GFOD1: variants seen among roughly 807,000 people sequenced by gnomAD.
The protein encoded by GFOD1 is Gfo/Idh/MocA-like oxidoreductase domain containing 1, also known as glucose-fructose oxidoreductase domain-containing protein 1.
A neutral mutation model predicts 25.4 loss-of-function variants in GFOD1; 9 were observed. The observed-to-expected ratio is 0.35, with a 90% confidence interval of 0.21 to 0.62. GFOD1 has a LOEUF of 0.62. Among genes scored for constraint, GFOD1 ranks in the 20% least tolerant of loss-of-function variants. GFOD1 has a pLI of 0.72. For missense variants in GFOD1, 403 were observed against 556.9 expected, an observed-to-expected ratio of 0.72 and a Z score of 2.78; for synonymous variants, 253 against 245.6, an observed-to-expected ratio of 1.03 and a Z score of -0.28.
In GFOD1 at chr6:13,365,595, G is replaced by T; in HGVS notation, c.321C>A (p.Ala107=). The T allele has an allele frequency of 6.2e-7, 1 of 1,606,580 alleles. No homozygotes were observed. Among genetic ancestry groups the T allele is most frequent in the South Asian group, 1.1e-5 (1 of 91,084 alleles). The part of the protein sequence containing the change: ...TPLDAFRMTS[A]AHYYPKLMSI... Reference sequence around the variant, plus strand: ...TCATGAGCTTGGGGTAGTAGTGGGCGGCCGAGGTCATGCGGAAAGCGTCCA... The same window carrying T: ...TCATGAGCTTGGGGTAGTAGTGGGCTGCCGAGGTCATGCGGAAAGCGTCCA... The change falls in exon 2 of 2, where the codon GCC becomes GCA. Residue 107 remains alanine, a synonymous_variant. Coordinates refer to ENST00000379287, the MANE Select transcript of GFOD1 (RefSeq NM_018988.4). This position sits in a 1 kb window ranked among gnomAD's most constrained non-coding sequence, Gnocchi z 9.2.
chr6:13,479,692 C>T (rs1227348499), intron 1 of GFOD1, among the ~76,000 whole-genome samples: 1 of 152,224 alleles, frequency 6.6e-6, no homozygotes, highest in Non-Finnish European at 1.5e-5. Context: ...ATTATCAAAG[C>T]CAGATATCCT....
At chr6:13,414,980 G>A (rs540255172) in intron 1 of GFOD1, among the ~76,000 whole-genome samples, 2 of 152,312 alleles carry the variant, frequency 1.3e-5, no homozygotes, top group Admixed American at 6.5e-5. Context: ...CCAGGGAACA[G>A]CAACTGTAGT....
chr6:13,435,784 A>T (rs1170916922), intron 1 of GFOD1, among the ~76,000 whole-genome samples: 3 of 152,202 alleles, frequency 2.0e-5, no homozygotes, highest in Admixed American at 2.0e-4. Context: ...GCTGTTCTTG[A>T]CTAATAAATT....
chr6:13,461,647 G>C (rs1332444835), intron 1 of GFOD1, among the ~76,000 whole-genome samples: 1 of 152,172 alleles, frequency 6.6e-6, no homozygotes, highest in Non-Finnish European at 1.5e-5. Flanking sequence ...TGTGAGTGGT[G>C]TGCTGGTGTT....
At chr6:13,427,148 T>C (rs1296543777) in intron 1 of GFOD1, among the ~76,000 whole-genome samples, 3 of 152,190 alleles carry the variant, frequency 2.0e-5, no homozygotes, top group Admixed American at 6.5e-5. Context: ...TTTGATATAA[T>C]CATCTTGAAA....
chr6:13,371,357 G>GA (rs1352578893), intron 1 of GFOD1, among the ~76,000 whole-genome samples: 16 of 152,196 alleles, frequency 1.1e-4, no homozygotes, highest in African/African-American at 3.9e-4. Context: ...CAACTTCCCT[G>GA]AAAAGACAAG....
intron 1 of GFOD1, among the ~76,000 whole-genome samples, chr6:13,401,408 GA>G (rs1554201414): frequency 1.1e-5 from 1 of 92,316 alleles, no homozygotes; most frequent in East Asian, 3.0e-4. Context: ...GAAGGGAAGG[GA>G]AAGGGAAAAA....
intron 1 of GFOD1, among the ~76,000 whole-genome samples, chr6:13,438,605 T>C (rs1246777742): frequency 6.6e-6 from 1 of 152,158 alleles, no homozygotes; most frequent in Non-Finnish European, 1.5e-5. Flanking sequence ...GCTGAGCACT[T>C]ATAATGGACC....
Position 13,361,604 on chromosome 6 carries a change from C to T in GFOD1, c.*3139G>A, listed in dbSNP as rs1167292269. On this transcript the variant is annotated 3_prime_UTR_variant, in exon 2 of 2. Transcript: ENST00000379287. ...CACTGTTGAAGGCTAGAGATTTCAGCTTCATATAGCTACCCCAAATCAAGT... is the reference window on the plus strand; with the variant it reads ...CACTGTTGAAGGCTAGAGATTTCAGTTTCATATAGCTACCCCAAATCAAGT... 3 of 152,174 alleles carry T rather than the reference C, an allele frequency of 2.0e-5. No homozygotes were observed. Among genetic ancestry groups the T allele is most frequent in the Non-Finnish European group, 2.9e-5 (2 of 68,050 alleles). 9.4% of individuals were successfully genotyped at this position (152,174 alleles called of 1,614,324 possible). A position where few individuals can be genotyped will look rare whatever the true frequency, so the allele number is the denominator to read the frequency against.
At chr6:13,406,322 G>C (rs1785946134) in intron 1 of GFOD1, among the ~76,000 whole-genome samples, 1 of 152,156 alleles carries the variant, frequency 6.6e-6, no homozygotes, top group Admixed American at 6.5e-5. Context: ...TTTGCTGTTT[G>C]TTTACCACAT....
chr6:13,426,242 A>G (rs993295711), intron 1 of GFOD1, among the ~76,000 whole-genome samples: 57 of 152,374 alleles, frequency 3.7e-4, no homozygotes, highest in African/African-American at 1.4e-3. Context: ...TTCTGGGCCA[A>G]GAAGGCCACA....
At chr6:13,423,992 G>C (rs575006207) in intron 1 of GFOD1, among the ~76,000 whole-genome samples, 1 of 152,222 alleles carries the variant, frequency 6.6e-6, no homozygotes, top group East Asian at 1.9e-4. Flanking sequence ...CTGAGTAGCT[G>C]GGATTACAGG....
chr6:13,365,361 G>A lies in GFOD1; in HGVS notation c.555C>T (p.Thr185=), dbSNP rs775707679. ...SVGTYIIDLL[T]FLTGQKAVKV... ...TGACGGCCTTTTGGCCGGTGAGGAA[G>A]GTGAGCAGGTCGATGATGTAGGTGC... The change falls in exon 2 of 2, where the codon ACC becomes ACT. Residue 185 remains threonine (T), a synonymous_variant. Coordinates refer to ENST00000379287, the MANE Select transcript of GFOD1 (RefSeq NM_018988.4). This position sits in a 1 kb window ranked among gnomAD's most constrained non-coding sequence, Gnocchi z 9.2. The A allele has an allele frequency of 1.2e-6, 2 of 1,614,210 alleles. No individual in the cohort carries two copies. Among genetic ancestry groups the A allele is most frequent in the Middle Eastern group, 1.6e-4 (1 of 6,062 alleles).
chr6:13,391,511 C>CAAAAAAAAAAAAAAAAAAAAAAAAAAA (rs57340590), intron 1 of GFOD1, among the ~76,000 whole-genome samples: 1 of 108,682 alleles, frequency 9.2e-6, no homozygotes, highest in Non-Finnish European at 1.8e-5. Context: ...AACAAACAAA[C>CAAAAAAAAAAAAAAAAAAAAAAAAAAA]AAAAAAAAAA....
intron 1 of GFOD1, among the ~76,000 whole-genome samples, chr6:13,465,832 G>A (rs1205163178): frequency 6.6e-6 from 1 of 152,164 alleles, no homozygotes; most frequent in African/African-American, 2.4e-5. Flanking sequence ...AAGGAAAGAG[G>A]AAAAAGATCC....
intron 1 of GFOD1, among the ~76,000 whole-genome samples, chr6:13,423,341 G>A (rs1339673050): frequency 1.3e-5 from 2 of 152,094 alleles, no homozygotes; most frequent in African/African-American, 2.4e-5. Flanking sequence ...CCCATCTTAG[G>A]TCAAGGAGCA....
chr6:13,392,865 G>C (rs1444109517), intron 1 of GFOD1, among the ~76,000 whole-genome samples: 3 of 151,922 alleles, frequency 2.0e-5, no homozygotes, highest in Admixed American at 2.0e-4. Flanking sequence ...AAGCCAGCCT[G>C]GGCAACATAG....
intron 1 of GFOD1, among the ~76,000 whole-genome samples, chr6:13,426,691 G>T: frequency 6.6e-6 from 1 of 152,214 alleles, no homozygotes; most frequent in East Asian, 1.9e-4. Flanking sequence ...CGGAAGCAGA[G>T]TGACCAGGCC....
chr6:13,486,529 A>T, intron 1 of GFOD1, 109 bp downstream of exon 1: 1 of 887,128 alleles, frequency 1.1e-6, no homozygotes, highest in Non-Finnish European at 1.7e-6. Flanking sequence ...GGCAGCGTAG[A>T]TGCAGGGTAA....
Sources: gnomAD v4.1 joint callset for allele counts (sites outside exome capture counted in the v4.1 genomes callset) on GRCh38, gnomAD v4.1.1 for gene constraint, Gnocchi (gnomAD v3.1) non-coding constraint, MANE v1.5 for transcripts, NCBI Gene and HGNC (gene_info 2026-07-23, HGNC 2026-07-21) for gene names.